The following SEZ6L variants were observed in gnomAD, a reference collection of about 807,000 sequenced individuals.
The protein encoded by SEZ6L is seizure 6-like protein.
A neutral mutation model predicts 106.2 loss-of-function variants in SEZ6L; 37 were observed. That is an observed-to-expected ratio of 0.35 (90% CI 0.27 to 0.46). The LOEUF is 0.46. Ranked by LOEUF, SEZ6L falls within the 20% of genes least tolerant of loss-of-function variation. The pLI, the probability that SEZ6L is intolerant of heterozygous loss-of-function variation, is 1.00. For synonymous variants in SEZ6L, 541 were observed against 570.4 expected (o/e 0.95, Z 0.73); for missense variants, 1,172 against 1,332.8 (o/e 0.88, Z 1.88).
rs921153878 is a variant in SEZ6L at position 26,177,794 on chromosome 22, G to A, written c.94+8031G>A. ...GGAGAGAGGTTGTATAGTTAGAGTA[G>A]GCCTCCTTGGTGTCTGTAATATTAA... On this transcript the variant is annotated intron_variant, in intron 1 of 16. Coordinates refer to ENST00000248933, the MANE Select transcript of SEZ6L (RefSeq NM_021115.5). Among the ~76,000 whole-genome samples the A allele has an allele frequency of 3.3e-5, 5 of 152,112 alleles. No homozygotes were observed. In the East Asian group the frequency reaches 9.6e-4, roughly 29 times the overall value.
At chr22:26,307,774 AG>A in intron 6 of SEZ6L, among the ~76,000 whole-genome samples, 1 of 152,156 alleles carries the variant, frequency 6.6e-6, no homozygotes, top group Non-Finnish European at 1.5e-5. Context: ...GCCTCTTCTG[AG>A]GGGTGCTTGA....
intron 9 of SEZ6L, among the ~76,000 whole-genome samples, chr22:26,319,597 G>C (rs930818264): frequency 6.6e-6 from 1 of 152,050 alleles, no homozygotes; most frequent in African/African-American, 2.4e-5. Flanking sequence ...GGGATGCTCT[G>C]CCCCAAATAT....
chr22:26,297,143 G>C (rs1209786926), intron 4 of SEZ6L, 63 bp downstream of exon 4: 2 of 1,404,254 alleles, frequency 1.4e-6, no homozygotes, highest in Admixed American at 5.2e-5. Flanking sequence ...TGGAGAAAAG[G>C]ATTTTAAAAC....
At chr22:26,315,167 G>A (rs1350426906) in intron 9 of SEZ6L, among the ~76,000 whole-genome samples, 1 of 152,194 alleles carries the variant, frequency 6.6e-6, no homozygotes, top group East Asian at 1.9e-4. Context: ...CGGCTTTTGA[G>A]GCTGTTCCTT....
intron 1 of SEZ6L, among the ~76,000 whole-genome samples, chr22:26,251,763 G>A (rs995761085): frequency 9.9e-5 from 15 of 152,160 alleles, no homozygotes; most frequent in Admixed American, 3.3e-4. Context: ...CCCAGGCCAG[G>A]GAGACTCACA....
intron 1 of SEZ6L, among the ~76,000 whole-genome samples, chr22:26,285,488 G>C (rs2080907560): frequency 6.6e-6 from 1 of 152,214 alleles, no homozygotes; most frequent in South Asian, 2.1e-4. Context: ...TGTGTTCACT[G>C]TGATTAATCC....
chr22:26,231,717 A>C (rs1248408940), intron 1 of SEZ6L, among the ~76,000 whole-genome samples: 1 of 152,230 alleles, frequency 6.6e-6, no homozygotes, highest in Non-Finnish European at 1.5e-5. Flanking sequence ...CTGCCTTGGC[A>C]TCTGGCTCCG....
intron 1 of SEZ6L, among the ~76,000 whole-genome samples, chr22:26,201,382 CAAAAAAAA>C (rs71192905): frequency 5.3e-5 from 4 of 75,318 alleles, no homozygotes; most frequent in East Asian, 4.3e-4. Flanking sequence ...TACAAAAATA[CAAAAAAAA>C]AAAAAAAAAA....
chr22:26,306,297 C>T (rs943398804), intron 6 of SEZ6L, among the ~76,000 whole-genome samples, 153 bp downstream of exon 6: 1 of 152,196 alleles, frequency 6.6e-6, no homozygotes, highest in African/African-American at 2.4e-5. Flanking sequence ...TAGACACCAT[C>T]AGCTTCAATC....
Position 26,292,751 on chromosome 22 carries a change from C to A in SEZ6L, c.440C>A (p.Ser147Tyr). 6.2e-7 allele frequency: 1 copy of A among 1,614,112 alleles called. No individual in the cohort carries two copies. The highest frequency in any genetic ancestry group is 1.3e-5 in the African/African-American group (1 of 75,064). The stretch of plus-strand genomic sequence containing the variant: ...GCAGCCACTGTCCAAAGGGCAGGGT[C>A]CCAGCCAGCGTCCCAGGGCCTAGAT... ...TSAATVQRAGSQPASQGLDLL... is the reference protein window; with the variant it reads ...TSAATVQRAGYQPASQGLDLL... Residue 147 changes from serine to tyrosine, a missense_variant, in exon 2 of 17, where the codon TCC becomes TAC. Physicochemically the swap from Ser to Tyr is moderately radical, Grantham distance 144. Coordinates refer to ENST00000248933, the MANE Select transcript of SEZ6L (RefSeq NM_021115.5).
intron 1 of SEZ6L, among the ~76,000 whole-genome samples, chr22:26,182,211 A>G (rs1030335030): frequency 2.6e-5 from 4 of 152,240 alleles, no homozygotes; most frequent in Non-Finnish European, 4.4e-5. Context: ...ATTAGCATGC[A>G]TATGAATGAA....
At chr22:26,285,728 G>A (rs1286686939) in intron 1 of SEZ6L, among the ~76,000 whole-genome samples, 4 of 152,174 alleles carry the variant, frequency 2.6e-5, no homozygotes, top group Non-Finnish European at 1.5e-5. Context: ...GATGTCAAAG[G>A]CATAAAAGTA....
chr22:26,225,706 T>C (rs1264943960), intron 1 of SEZ6L, among the ~76,000 whole-genome samples: 1 of 152,280 alleles, frequency 6.6e-6, no homozygotes, highest in Non-Finnish European at 1.5e-5. Context: ...TAAGTGGGAC[T>C]CCACGAGAAA....
chr22:26,305,941 G>T (rs199950359), intron 5 of SEZ6L, 38 bp from the exon 6 acceptor site: 4 of 1,496,956 alleles, frequency 2.7e-6, no homozygotes, highest in East Asian at 2.3e-5. Context: ...CTCCCTCTCT[G>T]CTCTCTCCCA....
At chr22:26,286,595 G>T (rs2080939727) in intron 1 of SEZ6L, among the ~76,000 whole-genome samples, 1 of 152,074 alleles carries the variant, frequency 6.6e-6, no homozygotes, top group Non-Finnish European at 1.5e-5. Context: ...CATTATAGCA[G>T]TAGCATCTCC....
chr22:26,237,863 G>A (rs553524358), intron 1 of SEZ6L, among the ~76,000 whole-genome samples: 1 of 152,246 alleles, frequency 6.6e-6, no homozygotes, highest in African/African-American at 2.4e-5. Context: ...CATGCCGGCT[G>A]TTTAAGTGTA....
At chr22:26,317,820 GATACTCC>G (rs1487626820) in intron 9 of SEZ6L, among the ~76,000 whole-genome samples, 1 of 151,964 alleles carries the variant, frequency 6.6e-6, no homozygotes, top group Non-Finnish European at 1.5e-5. Context: ...TCCCTGCCCT[GATACTCC>G]ATGCCCTCAG....
At position 26,381,888 on chromosome 22, in the gene SEZ6L, C is replaced by A; in HGVS notation, c.*1593C>A. 2.4e-6 allele frequency: 1 copy of A among 408,702 alleles called. No individual in the cohort carries two copies. Among genetic ancestry groups the A allele is most frequent in the Non-Finnish European group, 4.8e-6 (1 of 206,244 alleles). The allele number at this position is 408,702 out of a possible 1,614,324, so 25.3% of individuals were successfully genotyped here. ...CATTCTCTCTGGAATTGTTTCAAGTCTGCTGGTTTTCAAACAAGAAAAGAC... is the reference window on the plus strand; with the variant it reads ...CATTCTCTCTGGAATTGTTTCAAGTATGCTGGTTTTCAAACAAGAAAAGAC... On this transcript the variant is annotated 3_prime_UTR_variant, in exon 17 of 17. Transcript: ENST00000248933.
At chr22:26,251,364 G>A (rs181177248) in intron 1 of SEZ6L, among the ~76,000 whole-genome samples, 3 of 150,692 alleles carry the variant, frequency 2.0e-5, no homozygotes, top group Admixed American at 2.0e-4. Flanking sequence ...TATCATGAAT[G>A]GATGTTGAAT....
Sources: gnomAD v4.1 joint callset for allele counts (sites outside exome capture counted in the v4.1 genomes callset) on GRCh38, gnomAD v4.1.1 for gene constraint, MANE v1.5 for transcripts, NCBI Gene and HGNC (gene_info 2026-07-23, HGNC 2026-07-21) for gene names.